The following NKAIN2 variants were observed in gnomAD, a reference collection of about 807,000 sequenced individuals.
NKAIN2 encodes the protein sodium/potassium transporting ATPase interacting 2.
NKAIN2 carries 14 observed loss-of-function variants against 32.6 expected under a neutral mutation model. That is an observed-to-expected ratio of 0.43 (90% CI 0.28 to 0.67). NKAIN2 has a LOEUF of 0.67. NKAIN2 is among the 30% of genes least tolerant of loss of function. NKAIN2 has a pLI of 0.17. For missense variants in NKAIN2, 198 were observed against 258.3 expected, an observed-to-expected ratio of 0.77 and a Z score of 1.60; for synonymous variants, 80 against 87.2, an observed-to-expected ratio of 0.92 and a Z score of 0.46.
chr6:124,101,900 G>A (rs113994655), intron 1 of NKAIN2, among the ~76,000 whole-genome samples: 1,615 of 152,238 alleles, frequency 0.011, 31 homozygotes, highest in African/African-American at 0.036. Context: ...ATAACCAGCA[G>A]GCAGTTTAGG....
chr6:124,744,956 G>A (rs961995322), intron 4 of NKAIN2, among the ~76,000 whole-genome samples: 1 of 151,764 alleles, frequency 6.6e-6, no homozygotes, highest in Admixed American at 6.6e-5. Context: ...TTCCAGTAAA[G>A]GGCAAATGTC....
intron 4 of NKAIN2, among the ~76,000 whole-genome samples, chr6:124,698,911 T>A (rs1436405296): frequency 6.6e-6 from 1 of 152,174 alleles, no homozygotes; most frequent in Admixed American, 6.5e-5. Context: ...TAGAGGGGTG[T>A]AGAGGTTAGT....
At chr6:123,835,972 AATATT>A (rs1774601952) in intron 1 of NKAIN2, among the ~76,000 whole-genome samples, 1 of 152,146 alleles carries the variant, frequency 6.6e-6, no homozygotes, top group African/African-American at 2.4e-5. Context: ...CCTTCTCTAC[AATATT>A]ATTGGAAAGT....
At chr6:123,812,691 A>G (rs1196052685) in intron 1 of NKAIN2, among the ~76,000 whole-genome samples, 2 of 152,220 alleles carry the variant, frequency 1.3e-5, no homozygotes, top group African/African-American at 2.4e-5. Context: ...ATCTCTAGGC[A>G]GGCTAGCTTT....
intron 3 of NKAIN2, among the ~76,000 whole-genome samples, chr6:124,499,327 A>G (rs1778195109): frequency 6.6e-6 from 1 of 152,224 alleles, no homozygotes; most frequent in South Asian, 2.1e-4. Flanking sequence ...CAGTTATAAC[A>G]GAAAAATAAA....
At chr6:124,449,174 A>G (rs1776005397) in intron 3 of NKAIN2, among the ~76,000 whole-genome samples, 1 of 152,150 alleles carries the variant, frequency 6.6e-6, no homozygotes. Flanking sequence ...AAATATTTCA[A>G]TGTATTTTAA....
intron 4 of NKAIN2, among the ~76,000 whole-genome samples, chr6:124,761,288 G>A (rs931486079): frequency 2.6e-5 from 4 of 152,138 alleles, no homozygotes; most frequent in Admixed American, 1.3e-4. Flanking sequence ...TGATGGTGCG[G>A]GGAGGCTAGT....
In NKAIN2 at chr6:124,814,655, A is replaced by C. The variant is rs368641637; in HGVS notation, c.536-3732A>C. Among the ~76,000 whole-genome samples, 3 of 152,266 alleles carry C rather than the reference A, an allele frequency of 2.0e-5. No individual in the cohort carries two copies. The East Asian group carries it at 5.8e-4, about 29-fold the overall frequency. ...CCCAGGCCACTCAAGCTCCATTCGCATCACAGGCTCAGGACACCCTCATTT... is the reference window on the plus strand; with the variant it reads ...CCCAGGCCACTCAAGCTCCATTCGCCTCACAGGCTCAGGACACCCTCATTT... On this transcript the variant is annotated intron_variant, in intron 5 of 6. Transcript: ENST00000368417.
chr6:124,129,314 T>G (rs567795908), intron 1 of NKAIN2, among the ~76,000 whole-genome samples: 1 of 152,306 alleles, frequency 6.6e-6, no homozygotes, highest in East Asian at 1.9e-4. Flanking sequence ...TTGGTTTATG[T>G]AACTGAAAGC....
chr6:124,711,870 G>A (rs529833468), intron 4 of NKAIN2, among the ~76,000 whole-genome samples: 50 of 152,278 alleles, frequency 3.3e-4, no homozygotes, highest in Admixed American at 7.2e-4. Flanking sequence ...GAGGAACTGT[G>A]TTCCTTTGGA....
chr6:124,805,421 A>T (rs1470497950), intron 5 of NKAIN2, among the ~76,000 whole-genome samples: 1 of 152,188 alleles, frequency 6.6e-6, no homozygotes, highest in Non-Finnish European at 1.5e-5. Flanking sequence ...ACAGACCTGC[A>T]GCTGAGGGTC....
intron 4 of NKAIN2, among the ~76,000 whole-genome samples, chr6:124,680,449 AAATGTTTACCTGAG>A (rs1451836851): frequency 1.3e-5 from 2 of 152,074 alleles, no homozygotes; most frequent in Non-Finnish European, 2.9e-5. Context: ...TCCGTTTTAA[AAATGTTTACCTGAG>A]AATAAATGTT....
chr6:124,336,775 G>T (rs1164979766), intron 2 of NKAIN2, among the ~76,000 whole-genome samples: 1 of 150,038 alleles, frequency 6.7e-6, no homozygotes, highest in African/African-American at 2.5e-5. Context: ...CTGGGTTCAA[G>T]CAATTCCCCT....
chr6:124,330,297 T>G (rs1354373161), intron 2 of NKAIN2, among the ~76,000 whole-genome samples: 1 of 152,202 alleles, frequency 6.6e-6, no homozygotes, highest in African/African-American at 2.4e-5. Flanking sequence ...ACCTCGGTAA[T>G]AGACTCTGAG....
At chr6:124,597,039 G>C (rs1370468441) in intron 3 of NKAIN2, among the ~76,000 whole-genome samples, 1 of 152,150 alleles carries the variant, frequency 6.6e-6, no homozygotes, top group Non-Finnish European at 1.5e-5. Flanking sequence ...CAGGCATTCA[G>C]TGGATTGGAT....
intron 3 of NKAIN2, among the ~76,000 whole-genome samples, chr6:124,626,397 A>C (rs1430006442): frequency 6.6e-6 from 1 of 152,080 alleles, no homozygotes; most frequent in Admixed American, 6.6e-5. Flanking sequence ...GAGACATGAT[A>C]TAATCGTAAC....
intron 4 of NKAIN2, among the ~76,000 whole-genome samples, chr6:124,760,703 G>A (rs1461402639): frequency 6.6e-6 from 1 of 152,010 alleles, no homozygotes; most frequent in East Asian, 1.9e-4. Flanking sequence ...ATTAGGATAA[G>A]TTCATATTAA....
At chr6:124,322,135 A>T (rs1239205987) in intron 2 of NKAIN2, among the ~76,000 whole-genome samples, 4 of 152,180 alleles carry the variant, frequency 2.6e-5, no homozygotes, top group African/African-American at 9.6e-5. Flanking sequence ...AAACTTTGTA[A>T]ACCAGATTTA....
intron 1 of NKAIN2, among the ~76,000 whole-genome samples, chr6:123,813,925 A>G (rs1562195492): frequency 1.3e-5 from 2 of 150,690 alleles, no homozygotes; most frequent in East Asian, 2.0e-4. Context: ...TAGTGAACCT[A>G]TAGCCTGAGA....
Sources: gnomAD v4.1 joint callset for allele counts (sites outside exome capture counted in the v4.1 genomes callset) on GRCh38, gnomAD v4.1.1 for gene constraint, MANE v1.5 for transcripts, NCBI Gene and HGNC (gene_info 2026-07-23, HGNC 2026-07-21) for gene names.